Variants in FBXO4 observed in about 807,000 individuals in gnomAD.
The protein encoded by FBXO4 is F-box protein 4.
In FBXO4, 36 loss-of-function variants were observed where a neutral mutation model predicts 43.7. The observed-to-expected ratio is 0.82, with a 90% CI of 0.63 to 1.09. FBXO4 has a LOEUF of 1.09. FBXO4 is among the 50% of genes least tolerant of loss of function. The pLI is 0.00. For missense variants in FBXO4, 435 were observed against 474.1 expected (o/e 0.92, Z 0.77); for synonymous variants, 180 against 165.6 (o/e 1.09, Z -0.67).
the FBXO4 span, among the ~76,000 whole-genome samples, chr5:42,008,607 T>C: frequency 6.6e-6 from 1 of 152,144 alleles, no homozygotes; most frequent in Admixed American, 6.6e-5. Flanking sequence ...TGATCTTGGT[T>C]ATATTGCCTC....
chr5:41,925,322 G>A lies in FBXO4; in HGVS notation c.13G>A (p.Glu5Lys). The A allele has an allele frequency of 3.0e-6, 4 of 1,343,028 alleles. No homozygotes were observed. Among genetic ancestry groups the A allele is most frequent in the Non-Finnish European group, 3.8e-6 (4 of 1,041,822 alleles). 83.2% of individuals were successfully genotyped at this position (1,343,028 alleles called of 1,614,324 possible). A position where few individuals can be genotyped will look rare whatever the true frequency, so the allele number is the denominator to read the frequency against. ...CTGCGGGCAAGCCATGGCGGGAAGC[G>A]AGCCGCGCAGCGGAACAAACTCGCC... MAGS[E>K]PRSGTNSPPP... Residue 5 changes from glutamate to lysine, a missense_variant, in exon 1 of 7, where the codon GAG becomes AAG. Physicochemically the swap from Glu to Lys is moderately conservative, Grantham distance 56. Transcript: ENST00000281623.
the FBXO4 span, among the ~76,000 whole-genome samples, chr5:42,021,480 AC>A: frequency 6.6e-6 from 1 of 152,138 alleles, no homozygotes; most frequent in East Asian, 1.9e-4. Context: ...TATGGAATCT[AC>A]AATTCTGTTT....
At chr5:41,988,636 T>C in the FBXO4 span, among the ~76,000 whole-genome samples, 1 of 152,164 alleles carries the variant, frequency 6.6e-6, no homozygotes, top group African/African-American at 2.4e-5. Context: ...AGGTTGCGGC[T>C]CATGAGTTTC....
chr5:41,931,830 T>C (rs946256003), intron 3 of FBXO4, among the ~76,000 whole-genome samples: 13 of 152,164 alleles, frequency 8.5e-5, no homozygotes, highest in Non-Finnish European at 1.6e-4. Flanking sequence ...TAAATGGAGA[T>C]TCATAAGTAA....
At chr5:41,946,193 A>G (rs961849510), downstream of FBXO4, among the ~76,000 whole-genome samples, 5 of 152,178 alleles carry the variant, frequency 3.3e-5, no homozygotes, top group Admixed American at 6.5e-5. Flanking sequence ...GTGTGTGTCT[A>G]TTATTTCCCG....
chr5:42,008,704 T>C, the FBXO4 span, among the ~76,000 whole-genome samples: 1 of 152,190 alleles, frequency 6.6e-6, no homozygotes, highest in Non-Finnish European at 1.5e-5. Context: ...TATTATCATG[T>C]TTTTCTAAAC....
chr5:41,999,135 G>T, the FBXO4 span, among the ~76,000 whole-genome samples: 1 of 151,692 alleles, frequency 6.6e-6, no homozygotes, highest in Non-Finnish European at 1.5e-5. Flanking sequence ...CTCACAGGTG[G>T]TGAATCAAGA....
chr5:41,926,237 G>A (rs1051952724), intron 1 of FBXO4, among the ~76,000 whole-genome samples: 3 of 152,176 alleles, frequency 2.0e-5, no homozygotes, highest in Non-Finnish European at 4.4e-5. Flanking sequence ...TCCTTGCAGA[G>A]GTTTTTCATA....
chr5:41,954,634 T>C, the FBXO4 span, among the ~76,000 whole-genome samples: 2 of 152,346 alleles, frequency 1.3e-5, no homozygotes, highest in Admixed American at 1.3e-4. Context: ...TCAGAAATGT[T>C]TGTAAATTAC....
At chr5:41,942,079 A>G (rs139784545), downstream of FBXO4, among the ~76,000 whole-genome samples, 68 of 152,268 alleles carry the variant, frequency 4.5e-4, no homozygotes, top group African/African-American at 1.4e-3. Flanking sequence ...TATAGTTTAT[A>G]TAAGTTCCAT....
the FBXO4 span, chr5:41,951,201 T>G: frequency 6.3e-6 from 1 of 158,154 alleles, no homozygotes; most frequent in African/African-American, 2.4e-5. Flanking sequence ...CCCCAGAACT[T>G]AAAGTATAAT....
chr5:42,038,022 C>G, the FBXO4 span, among the ~76,000 whole-genome samples: 3 of 152,044 alleles, frequency 2.0e-5, no homozygotes, highest in South Asian at 2.1e-4. Context: ...CATGGGCAAC[C>G]CTTTCAGAAT....
intron 3 of FBXO4, among the ~76,000 whole-genome samples, chr5:41,933,011 G>A (rs1751738119): frequency 6.6e-6 from 1 of 152,182 alleles, no homozygotes; most frequent in Non-Finnish European, 1.5e-5. Flanking sequence ...ACCCTACTAG[G>A]AGTTTTACAT....
the FBXO4 span, among the ~76,000 whole-genome samples, chr5:42,008,472 C>T: frequency 2.0e-5 from 3 of 152,048 alleles, no homozygotes; most frequent in Non-Finnish European, 4.4e-5. Flanking sequence ...GATCCTTGTC[C>T]GGATTTCTGT....
downstream of FBXO4, among the ~76,000 whole-genome samples, chr5:41,942,905 T>A (rs1227097360): frequency 6.6e-6 from 1 of 152,124 alleles, no homozygotes; most frequent in Non-Finnish European, 1.5e-5. Flanking sequence ...TTTTTAAAAT[T>A]ACTAATTATG....
downstream of FBXO4, among the ~76,000 whole-genome samples, chr5:41,946,240 G>A (rs1038449304): frequency 5.9e-5 from 9 of 152,124 alleles, no homozygotes; most frequent in Admixed American, 3.3e-4. Flanking sequence ...AGAGAGCCCC[G>A]TTGCATTGCA....
chr5:41,928,665 A>C (rs1223141250), intron 2 of FBXO4: 1 of 152,464 alleles, frequency 6.6e-6, no homozygotes, highest in South Asian at 2.1e-4. Flanking sequence ...CTCAAATAAT[A>C]CAGATGAAGA....
chr5:41,957,395 TTTAA>T, the FBXO4 span, among the ~76,000 whole-genome samples: 1 of 148,672 alleles, frequency 6.7e-6, no homozygotes, highest in South Asian at 2.1e-4. Flanking sequence ...ATTATAATTA[TTTAA>T]TTATGATTAT....
chr5:42,004,819 G>A, the FBXO4 span, among the ~76,000 whole-genome samples: 1 of 152,228 alleles, frequency 6.6e-6, no homozygotes, highest in East Asian at 1.9e-4. Flanking sequence ...TGGTGAGTTA[G>A]GGTCAACTTA....
Sources: gnomAD v4.1 joint callset for allele counts (sites outside exome capture counted in the v4.1 genomes callset) on GRCh38, gnomAD v4.1.1 for gene constraint, MANE v1.5 for transcripts, NCBI Gene and HGNC (gene_info 2026-07-23, HGNC 2026-07-21) for gene names.